Variants in SHISA9 observed in about 807,000 individuals in gnomAD.
SHISA9 encodes shisa family member 9.
In SHISA9, 13 loss-of-function variants were observed where a neutral mutation model predicts 38.0. The observed-to-expected ratio is 0.34, with a 90% confidence interval of 0.22 to 0.54. The LOEUF (loss-of-function observed/expected upper bound fraction) is 0.54, where lower values mean the gene tolerates loss of function less well. Among genes scored for constraint, SHISA9 ranks in the 20% least tolerant of loss-of-function variants. SHISA9 has a pLI of 0.91. For synonymous variants in SHISA9, 275 were observed against 242.0 expected, an observed-to-expected ratio of 1.14 and a Z score of -1.27; for missense variants, 538 against 575.8, an observed-to-expected ratio of 0.93 and a Z score of 0.67.
chr16:13,385,806 T>C, the SHISA9 span, among the ~76,000 whole-genome samples: 1 of 151,984 alleles, frequency 6.6e-6, no homozygotes, highest in South Asian at 2.1e-4. Context: ...TACCATGAAA[T>C]ACTACTCAGC....
chr16:13,049,140 A>C (rs2073219578), intron 2 of SHISA9, among the ~76,000 whole-genome samples: 1 of 148,100 alleles, frequency 6.8e-6, no homozygotes, highest in South Asian at 2.1e-4. Flanking sequence ...TGCCATTCTA[A>C]GCTTTGGTTA....
chr16:13,019,883 C>CTTT (rs1320942248), intron 2 of SHISA9, among the ~76,000 whole-genome samples: 338 of 12,412 alleles, frequency 0.027, 37 homozygotes, highest in Non-Finnish European at 0.039. Flanking sequence ...TCCCTCCCTC[C>CTTT]CTTCTTTCTT....
chr16:13,429,111 C>T, the SHISA9 span, among the ~76,000 whole-genome samples: 7 of 151,950 alleles, frequency 4.6e-5, no homozygotes, highest in South Asian at 2.1e-4. Flanking sequence ...GGATGGATGA[C>T]GGGATAGTTT....
chr16:13,069,795 T>C (rs2073489639), intron 2 of SHISA9, among the ~76,000 whole-genome samples: 1 of 152,134 alleles, frequency 6.6e-6, no homozygotes, highest in Admixed American at 6.5e-5. Flanking sequence ...GGCTTTGCTC[T>C]CATGAATGGG....
At chr16:13,270,992 G>C in the SHISA9 span, among the ~76,000 whole-genome samples, 2 of 152,168 alleles carry the variant, frequency 1.3e-5, no homozygotes, top group African/African-American at 4.8e-5. Context: ...TAGATCAAGT[G>C]GTACCATTTC....
chr16:13,562,974 C>A, the SHISA9 span: 1 of 151,830 alleles, frequency 6.6e-6, no homozygotes, highest in Non-Finnish European at 1.5e-5. Flanking sequence ...TTTGGTGGAA[C>A]GTAAAGTGTT....
intron 2 of SHISA9, among the ~76,000 whole-genome samples, chr16:13,093,809 G>T (rs1454618804): frequency 6.6e-6 from 1 of 152,142 alleles, no homozygotes; most frequent in Non-Finnish European, 1.5e-5. Flanking sequence ...GCACTGCGGG[G>T]CCTATAAATA....
chr16:13,051,061 T>C (rs1317977119), intron 2 of SHISA9, among the ~76,000 whole-genome samples: 2 of 152,200 alleles, frequency 1.3e-5, no homozygotes, highest in African/African-American at 4.8e-5. Flanking sequence ...TTCCTTGAGG[T>C]GACGCTTTTG....
chr16:13,008,355 C>T (rs1017822742), intron 2 of SHISA9, among the ~76,000 whole-genome samples: 1 of 152,144 alleles, frequency 6.6e-6, no homozygotes, highest in African/African-American at 2.4e-5. Context: ...CCAAAATAAA[C>T]CATTGCACTC....
chr16:13,410,512 G>T, the SHISA9 span, among the ~76,000 whole-genome samples: 2 of 152,212 alleles, frequency 1.3e-5, no homozygotes, highest in Admixed American at 6.5e-5. Flanking sequence ...GTCATTTTGG[G>T]TGGCTTAACA....
chr16:13,400,111 G>A, the SHISA9 span, among the ~76,000 whole-genome samples: 5 of 152,148 alleles, frequency 3.3e-5, no homozygotes, highest in Non-Finnish European at 5.9e-5. Flanking sequence ...TGGCCCTCAC[G>A]TGAAGCAGGT....
downstream of SHISA9, among the ~76,000 whole-genome samples, chr16:13,240,608 G>A (rs9928389): frequency 1.4e-4 from 21 of 152,166 alleles, no homozygotes; most frequent in South Asian, 4.1e-4. Context: ...TGTTTGAAGC[G>A]TTTTTGGTAA....
the SHISA9 span, among the ~76,000 whole-genome samples, chr16:13,559,950 A>C: frequency 3.4e-4 from 52 of 152,318 alleles, no homozygotes; most frequent in African/African-American, 1.2e-3. Flanking sequence ...GGAAAAAGTT[A>C]ATGGGGAATA....
chr16:13,422,730 CAAAA>C, the SHISA9 span, among the ~76,000 whole-genome samples: 2 of 140,382 alleles, frequency 1.4e-5, no homozygotes, highest in African/African-American at 5.1e-5. Flanking sequence ...AACAAACAAA[CAAAA>C]ACCACCACCA....
the SHISA9 span, among the ~76,000 whole-genome samples, chr16:13,389,612 C>T: frequency 1.3e-5 from 2 of 152,144 alleles, no homozygotes; most frequent in Non-Finnish European, 2.9e-5. Flanking sequence ...CTCCATTTTA[C>T]AGCCCAGGGA....
chr16:13,471,376 T>G, the SHISA9 span, among the ~76,000 whole-genome samples: 1 of 152,196 alleles, frequency 6.6e-6, no homozygotes, highest in Non-Finnish European at 1.5e-5. Context: ...GCAGTCTATG[T>G]CCATCATTTA....
At chr16:13,370,786 T>G in the SHISA9 span, among the ~76,000 whole-genome samples, 1 of 152,086 alleles carries the variant, frequency 6.6e-6, no homozygotes, top group African/African-American at 2.4e-5. Flanking sequence ...AGAAGCCAAA[T>G]TAGTAAGGTT....
chr16:13,367,077 A>G, the SHISA9 span, among the ~76,000 whole-genome samples: 1 of 151,964 alleles, frequency 6.6e-6, no homozygotes, highest in East Asian at 1.9e-4. Context: ...GATCTTAATA[A>G]CCTCAAAAAT....
At chr16:13,269,280 C>G in the SHISA9 span, among the ~76,000 whole-genome samples, 1 of 152,182 alleles carries the variant, frequency 6.6e-6, no homozygotes, top group African/African-American at 2.4e-5. Flanking sequence ...CCAGTTCGGT[C>G]GGTCACCAGC....
Sources: gnomAD v4.1 joint callset for allele counts (sites outside exome capture counted in the v4.1 genomes callset) on GRCh38, gnomAD v4.1.1 for gene constraint, MANE v1.5 for transcripts, NCBI Gene and HGNC (gene_info 2026-07-23, HGNC 2026-07-21) for gene names.